Variants in TSBP1 observed in about 807,000 individuals in gnomAD.
TSBP1 encodes testis-expressed basic protein 1.
TSBP1 carries 56 observed loss-of-function variants against 68.8 expected under a neutral mutation model. The ratio of observed to expected loss-of-function variants is 0.81; its 90% CI spans 0.66 to 1.02. The LOEUF is 1.02. Among genes scored for constraint, TSBP1 ranks in the 50% least tolerant of loss-of-function variants. The pLI, the probability that TSBP1 is intolerant of heterozygous loss-of-function variation, is 0.00. For missense variants in TSBP1, 502 were observed against 641.2 expected, an observed-to-expected ratio of 0.78 and a Z score of 2.34; for synonymous variants, 171 against 208.7, an observed-to-expected ratio of 0.82 and a Z score of 1.56.
In TSBP1 at chr6:32,292,963, C is replaced by T. The variant is rs528457081; in HGVS notation, c.*18G>A. 8 of 1,490,502 alleles carry T rather than the reference C, an allele frequency of 5.4e-6. No homozygotes were observed. In the East Asian group the frequency reaches 1.6e-4, roughly 29 times the overall value. The allele number at this position is 1,490,502 out of a possible 1,614,324, so 92.3% of individuals were successfully genotyped here. On this transcript the variant is annotated 3_prime_UTR_variant, in exon 23 of 23. Transcript: ENST00000612031. The surrounding 1 kb of genome is among the most constrained non-coding windows in gnomAD (Gnocchi z 4.1). ...TCATAATAATCACTTGTCTTATGGG[C>T]CTTTAAAAAATTTATCCTTACTCTT...
intron 9 of TSBP1, among the ~76,000 whole-genome samples, chr6:32,348,938 C>A (rs1016313754): frequency 6.6e-6 from 1 of 152,062 alleles, no homozygotes; most frequent in Non-Finnish European, 1.5e-5. Flanking sequence ...CCATTTTAAT[C>A]CTCTCTTTAT....
In TSBP1 at chr6:32,365,112, G is replaced by A. The variant is rs896461452; in HGVS notation, c.217+1055C>T. On this transcript the variant is annotated intron_variant, in intron 6 of 22. Coordinates refer to ENST00000612031, the Ensembl canonical transcript of TSBP1. The surrounding 1 kb of genome is among the most constrained non-coding windows in gnomAD (Gnocchi z 4.3). ...TCACTATGTTGCCCAGGCCAGTCTC[G>A]AACTCCTAGTCTCAAGAAGTCCTCC... is the stretch of plus-strand genomic sequence containing the variant. Among the ~76,000 whole-genome samples, 4 of 149,928 alleles carry A rather than the reference G, an allele frequency of 2.7e-5. No individual in the cohort carries two copies. The highest frequency in any genetic ancestry group is 2.1e-4 in the South Asian group (1 of 4,760).
At position 32,330,780 on chromosome 6, in the gene TSBP1, C is replaced by T. The variant is rs560182903; in HGVS notation, c.494-171G>A. ...CCACCTTCTGGGTTCAAGGGATTCT[C>T]GTGCCTCAGCCTCCTGAGTAGCAGG... On this transcript the variant is annotated intron_variant, in intron 15 of 22. Transcript: ENST00000612031. 3.0e-4 allele frequency among the ~76,000 whole-genome samples: 45 copies of T among 152,198 alleles called. 1 individual carries two copies. The highest frequency in any genetic ancestry group is 2.8e-3 in the Admixed American group (43 of 15,288).
chr6:32,322,988 TA>T, intron 18 of TSBP1, 128 bp downstream of exon 19: 1 of 643,528 alleles, frequency 1.6e-6, no homozygotes, highest in Non-Finnish European at 2.7e-6. Context: ...ATTAGTATTT[TA>T]AAAAAATTAT....
intron 20 of TSBP1, among the ~76,000 whole-genome samples, chr6:32,301,942 C>T (rs1056660098): frequency 3.8e-5 from 5 of 133,006 alleles, no homozygotes; most frequent in African/African-American, 1.4e-4. Flanking sequence ...ATGGATTTTA[C>T]ATATTTAAAT....
chr6:32,330,562 A>G (rs1331577879), intron 16 of TSBP1, 27 bp downstream of exon 17: 1 of 1,605,448 alleles, frequency 6.2e-7, no homozygotes, highest in Non-Finnish European at 8.5e-7. Context: ...AGGAACCTGG[A>G]GGGAGAAGGA....
Position 32,316,083 on chromosome 6 carries a change from T to G in TSBP1, c.560-291A>C, listed in dbSNP as rs1346163116. ...AGTCTCGGGTAGAGACTGCCATATC[T>G]TTCTGTTTCCTTTGAATAGCATTAT... On this transcript the variant is annotated intron_variant, in intron 18 of 22. Transcript: ENST00000612031. This position sits in a 1 kb window ranked among gnomAD's most constrained non-coding sequence, Gnocchi z 4.5. 6.6e-6 allele frequency among the ~76,000 whole-genome samples: 1 copy of G among 152,214 alleles called. No homozygotes were observed. Among genetic ancestry groups the G allele is most frequent in the South Asian group, 2.1e-4 (1 of 4,828 alleles).
rs780482622 is a variant in TSBP1, at chr6:32,299,834, C to A, written c.637+88G>T. 4.6e-5 allele frequency: 48 copies of A among 1,043,976 alleles called. 1 individual carries two copies. The highest frequency in any genetic ancestry group is 3.0e-4 in the Admixed American group (17 of 57,410). The allele number at this position is 1,043,976 out of a possible 1,614,324, so 64.7% of individuals were successfully genotyped here. ...TTCAAATTGGCCTTAGAAGCACAGGCCTCTATTTTGGGAGTAGAAACAGAC... is the reference window on the plus strand; with the variant it reads ...TTCAAATTGGCCTTAGAAGCACAGGACTCTATTTTGGGAGTAGAAACAGAC... On this transcript the variant is annotated intron_variant, in intron 22 of 22. Coordinates refer to ENST00000612031, the Ensembl canonical transcript of TSBP1.
chr6:32,299,573 C>T (rs940447054), intron 22 of TSBP1, among the ~76,000 whole-genome samples: 17 of 152,076 alleles, frequency 1.1e-4, no homozygotes, highest in African/African-American at 4.1e-4. Flanking sequence ...ATTGTGGCAC[C>T]CTTTCATATG....
intron 19 of TSBP1, among the ~76,000 whole-genome samples, chr6:32,307,640 G>C (rs1765895967): frequency 6.6e-6 from 1 of 152,020 alleles, no homozygotes; most frequent in African/African-American, 2.4e-5. Flanking sequence ...TCTTTATTTA[G>C]TTACAGATGT....
Position 32,304,270 on chromosome 6 carries a change from A to G in TSBP1, c.581-1641T>C, listed in dbSNP as rs879101991. On this transcript the variant is annotated intron_variant, in intron 19 of 22. Coordinates refer to ENST00000612031, the Ensembl canonical transcript of TSBP1. The surrounding 1 kb of genome is among the most constrained non-coding windows in gnomAD (Gnocchi z 4.8). The stretch of plus-strand genomic sequence containing the variant: ...ACAAAAGTGTCAGTGCAAATAAAGG[A>G]ATCGAGATGCTACAAAAGACCAGAG... 2.6e-5 allele frequency among the ~76,000 whole-genome samples: 4 copies of G among 152,222 alleles called. No individual in the cohort carries two copies. In the East Asian group the frequency reaches 5.8e-4, roughly 22 times the overall value.
Position 32,343,158 on chromosome 6 carries a change from A to T in TSBP1, c.350-3520T>A. On this transcript the variant is annotated intron_variant, in intron 9 of 22. Transcript: ENST00000612031. This position sits in a 1 kb window ranked among gnomAD's most constrained non-coding sequence, Gnocchi z 4.3. The stretch of plus-strand genomic sequence containing the variant: ...ACCCTGACATAGCAGGAAACAGGAA[A>T]TAGTTAAGACAGGGAGAAGTCCTCT... 1 of 777,664 alleles carries T rather than the reference A, an allele frequency of 1.3e-6. No homozygotes were observed. 48.2% of individuals were successfully genotyped at this position (777,664 alleles called of 1,614,324 possible).
intron 16 of TSBP1, among the ~76,000 whole-genome samples, chr6:32,328,738 A>G (rs1768570124): frequency 1.3e-5 from 2 of 151,846 alleles, no homozygotes. Context: ...TTTTTAGTAG[A>G]GACGGGGTTT....
chr6:32,359,714 C>T (rs945688648), intron 6 of TSBP1, among the ~76,000 whole-genome samples: 3 of 151,198 alleles, frequency 2.0e-5, no homozygotes, highest in Admixed American at 1.3e-4. Flanking sequence ...GACATGAAGT[C>T]CTTGCCCATG....
intron 18 of TSBP1, among the ~76,000 whole-genome samples, chr6:32,322,711 T>G (rs931222005): frequency 2.6e-5 from 4 of 152,192 alleles, no homozygotes; most frequent in Non-Finnish European, 4.4e-5. Context: ...GATGATGTAA[T>G]GACGAAGTCA....
intron 4 of TSBP1, among the ~76,000 whole-genome samples, chr6:32,366,684 A>G (rs9268372): frequency 0.11 from 14,771 of 137,492 alleles, 1,111 homozygotes; most frequent in African/African-American, 0.21. Context: ...AATGGCGTGA[A>G]CCCGGGAGGC....
intron 18 of TSBP1, among the ~76,000 whole-genome samples, chr6:32,319,557 C>T (rs560118918): frequency 2.0e-5 from 3 of 152,168 alleles, no homozygotes; most frequent in East Asian, 3.9e-4. Context: ...TGGCTCTTGT[C>T]GCTCTGGCCC....
intron 9 of TSBP1, among the ~76,000 whole-genome samples, chr6:32,347,849 C>T (rs1195461256): frequency 6.6e-6 from 1 of 152,186 alleles, no homozygotes; most frequent in Non-Finnish European, 1.5e-5. Context: ...CTGAGATACT[C>T]TTCCCTAAGA....
chr6:32,370,965 C>T (rs1774355282), intron 1 of TSBP1, among the ~76,000 whole-genome samples: 2 of 151,864 alleles, frequency 1.3e-5, no homozygotes, highest in South Asian at 4.2e-4. Flanking sequence ...TAGATTACAC[C>T]CACATTAAGA....
Sources: gnomAD v4.1 joint callset for allele counts (sites outside exome capture counted in the v4.1 genomes callset) on GRCh38, gnomAD v4.1.1 for gene constraint, Gnocchi (gnomAD v3.1) non-coding constraint, MANE v1.5 for transcripts, NCBI Gene and HGNC (gene_info 2026-07-23, HGNC 2026-07-21) for gene names.